TNFSF4: variants seen among roughly 807,000 people sequenced by gnomAD.
TNFSF4 encodes TNF superfamily member 4, also known as tumor necrosis factor ligand superfamily member 4.
TNFSF4 carries 4 observed loss-of-function variants against 7.3 expected under a neutral mutation model. The ratio of observed to expected loss-of-function variants is 0.55; its 90% CI spans 0.27 to 1.25. The LOEUF is 1.25. Ranked by LOEUF, TNFSF4 falls within the 50% of genes most tolerant of loss-of-function variation. The pLI, the probability that TNFSF4 is intolerant of heterozygous loss-of-function variation, is 0.12. For synonymous variants in TNFSF4, 76 were observed against 83.7 expected (o/e 0.91, Z 0.50); for missense variants, 181 against 208.8 (o/e 0.87, Z 0.82).
At chr1:173,351,742 G>A in the TNFSF4 span, 30 of 493,848 alleles carry the variant, frequency 6.1e-5, no homozygotes, top group East Asian at 3.0e-4. Context: ...CAGGTTGTAC[G>A]AGTACGAGGA....
the TNFSF4 span, among the ~76,000 whole-genome samples, chr1:173,386,078 T>C: frequency 6.6e-6 from 1 of 152,114 alleles, no homozygotes; most frequent in Non-Finnish European, 1.5e-5. Context: ...AAAGCTGCCA[T>C]TTGCATCACA....
the TNFSF4 span, among the ~76,000 whole-genome samples, chr1:173,385,862 A>C: frequency 3.9e-4 from 60 of 152,290 alleles, no homozygotes; most frequent in African/African-American, 1.2e-3. Context: ...AAAAAAAAGA[A>C]TTTATCATCA....
At chr1:173,283,130 T>C in the TNFSF4 span, among the ~76,000 whole-genome samples, 1 of 152,172 alleles carries the variant, frequency 6.6e-6, no homozygotes, top group Non-Finnish European at 1.5e-5. Context: ...CAACTGAACA[T>C]GGTTCCTGAA....
At chr1:173,346,617 C>G in the TNFSF4 span, among the ~76,000 whole-genome samples, 2 of 151,934 alleles carry the variant, frequency 1.3e-5, no homozygotes, top group Non-Finnish European at 2.9e-5. Flanking sequence ...AAACAGCTAC[C>G]AAGGGAGAGA....
At chr1:173,354,104 T>C in the TNFSF4 span, among the ~76,000 whole-genome samples, 481 of 151,336 alleles carry the variant, frequency 3.2e-3, 1 homozygote, top group African/African-American at 0.011. Flanking sequence ...GCTAGACTAA[T>C]AAAGTAGAAA....
the TNFSF4 span, among the ~76,000 whole-genome samples, chr1:173,402,193 C>T: frequency 2.0e-5 from 3 of 152,206 alleles, no homozygotes; most frequent in Admixed American, 6.5e-5. Flanking sequence ...ATTCTTCCCA[C>T]ACCTCAGCCA....
the TNFSF4 span, among the ~76,000 whole-genome samples, chr1:173,417,310 G>A: frequency 2.4e-4 from 37 of 152,284 alleles, no homozygotes; most frequent in African/African-American, 5.1e-4. Flanking sequence ...CATAAGGTTC[G>A]TGTGAGGGTT....
chr1:173,368,323 AG>A, the TNFSF4 span, among the ~76,000 whole-genome samples: 1 of 152,104 alleles, frequency 6.6e-6, no homozygotes, highest in Non-Finnish European at 1.5e-5. Context: ...CTCACTGCAA[AG>A]GTCCATGGTT....
the TNFSF4 span, among the ~76,000 whole-genome samples, chr1:173,258,444 G>T: frequency 6.6e-6 from 1 of 151,838 alleles, no homozygotes; most frequent in Non-Finnish European, 1.5e-5. Context: ...CCCCAACCAG[G>T]AAATCATGCA....
At chr1:173,285,609 A>G in the TNFSF4 span, among the ~76,000 whole-genome samples, 1 of 152,182 alleles carries the variant, frequency 6.6e-6, no homozygotes, top group Non-Finnish European at 1.5e-5. Flanking sequence ...TGCCACCACA[A>G]CATTCAGCAA....
chr1:173,243,002 GGT>G, the TNFSF4 span, among the ~76,000 whole-genome samples: 3 of 78,874 alleles, frequency 3.8e-5, no homozygotes, highest in Admixed American at 1.4e-4. Flanking sequence ...GAAGTTGGTG[GGT>G]GGGGGGGGGG....
chr1:173,367,013 T>A, the TNFSF4 span, among the ~76,000 whole-genome samples: 1 of 152,220 alleles, frequency 6.6e-6, no homozygotes, highest in African/African-American at 2.4e-5. Context: ...TACACATGAT[T>A]ATCCATTTGT....
the TNFSF4 span, among the ~76,000 whole-genome samples, chr1:173,338,322 T>C: frequency 1.3e-5 from 2 of 152,202 alleles, no homozygotes; most frequent in African/African-American, 4.8e-5. Context: ...CTATCATCTG[T>C]GGACTTACAG....
At chr1:173,304,567 C>A in the TNFSF4 span, among the ~76,000 whole-genome samples, 2 of 151,946 alleles carry the variant, frequency 1.3e-5, no homozygotes, top group Non-Finnish European at 2.9e-5. Context: ...GATAGAAGCA[C>A]AACTACAAAC....
At chr1:173,392,545 T>C in the TNFSF4 span, among the ~76,000 whole-genome samples, 4 of 152,224 alleles carry the variant, frequency 2.6e-5, no homozygotes, top group Non-Finnish European at 5.9e-5. Flanking sequence ...CAAGAATCTA[T>C]TCATTTATTC....
chr1:173,283,488 C>T, the TNFSF4 span, among the ~76,000 whole-genome samples: 2 of 152,158 alleles, frequency 1.3e-5, no homozygotes, highest in African/African-American at 4.8e-5. Context: ...CTCAGTTTGG[C>T]AACCTCTTGG....
chr1:173,248,446 AAG>A, the TNFSF4 span, among the ~76,000 whole-genome samples: 1 of 150,812 alleles, frequency 6.6e-6, no homozygotes, highest in African/African-American at 2.4e-5. Context: ...AGAGAGGAGA[AAG>A]AGAGAGGGAG....
At chr1:173,322,114 C>T in the TNFSF4 span, among the ~76,000 whole-genome samples, 1 of 152,160 alleles carries the variant, frequency 6.6e-6, no homozygotes, top group African/African-American at 2.4e-5. Flanking sequence ...CACATATACA[C>T]TCGTGGACTA....
chr1:173,331,082 A>G, the TNFSF4 span, among the ~76,000 whole-genome samples: 1 of 151,788 alleles, frequency 6.6e-6, no homozygotes, highest in South Asian at 2.1e-4. Context: ...ACGGGGTTTC[A>G]CCATGTTGGC....
Sources: gnomAD v4.1 joint callset for allele counts (sites outside exome capture counted in the v4.1 genomes callset) on GRCh38, gnomAD v4.1.1 for gene constraint, MANE v1.5 for transcripts, NCBI Gene and HGNC (gene_info 2026-07-23, HGNC 2026-07-21) for gene names.